RAP1GDS1: variants seen among roughly 807,000 people sequenced by gnomAD.
The protein encoded by RAP1GDS1 is RAP1, GTP-GDP dissociation stimulator 1.
Under a neutral mutation model 71.1 loss-of-function variants are expected in RAP1GDS1, and 35 were observed. The ratio of observed to expected loss-of-function variants is 0.49; its 90% confidence interval spans 0.38 to 0.65. RAP1GDS1 has a LOEUF of 0.65. Ranked by LOEUF, RAP1GDS1 falls within the 30% of genes least tolerant of loss-of-function variation. RAP1GDS1 has a pLI of 0.00. For synonymous variants in RAP1GDS1, 229 were observed against 243.1 expected, an observed-to-expected ratio of 0.94 and a Z score of 0.54; for missense variants, 663 against 706.1, an observed-to-expected ratio of 0.94 and a Z score of 0.69.
intron 3 of RAP1GDS1, among the ~76,000 whole-genome samples, chr4:98,349,263 G>A (rs183560877): frequency 0.046 from 6,979 of 152,268 alleles, 397 homozygotes; most frequent in African/African-American, 0.13. Context: ...GTTTGTCAAA[G>A]ATCAGATGGT....
chr4:98,404,278 A>G (rs573775405), intron 6 of RAP1GDS1, among the ~76,000 whole-genome samples, 199 bp from the exon 7 acceptor site: 1 of 152,268 alleles, frequency 6.6e-6, no homozygotes, highest in Non-Finnish European at 1.5e-5. Flanking sequence ...TATAGCTCAA[A>G]TATAATTGGG....
intron 2 of RAP1GDS1, among the ~76,000 whole-genome samples, chr4:98,322,779 A>C (rs1450054467): frequency 2.2e-5 from 3 of 133,962 alleles, no homozygotes; most frequent in Admixed American, 7.5e-5. Flanking sequence ...CAGTGTGTAG[A>C]GGGAAATTTA....
chr4:98,361,533 A>G (rs1738753216), intron 4 of RAP1GDS1, among the ~76,000 whole-genome samples: 1 of 152,174 alleles, frequency 6.6e-6, no homozygotes, highest in South Asian at 2.1e-4. Flanking sequence ...ATTGCCATTT[A>G]TGGAGCCTTT....
chr4:98,375,653 T>C (rs1030575428), intron 4 of RAP1GDS1, among the ~76,000 whole-genome samples: 4 of 152,206 alleles, frequency 2.6e-5, no homozygotes, highest in Admixed American at 2.6e-4. Context: ...AAAAATCACA[T>C]TTTAATATGA....
chr4:98,383,352 A>T (rs1030522581), intron 5 of RAP1GDS1, among the ~76,000 whole-genome samples: 4 of 151,560 alleles, frequency 2.6e-5, no homozygotes, highest in Non-Finnish European at 5.9e-5. Context: ...GTATCTTCTA[A>T]AATTATTAAC....
At chr4:98,278,134 G>A (rs1724507919) in intron 1 of RAP1GDS1, among the ~76,000 whole-genome samples, 1 of 152,168 alleles carries the variant, frequency 6.6e-6, no homozygotes, top group Non-Finnish European at 1.5e-5. Context: ...GGGAGGTGGA[G>A]ATTGTAGTGA....
At chr4:98,432,476 T>C (rs1035657241) in intron 12 of RAP1GDS1, among the ~76,000 whole-genome samples, 64 of 152,206 alleles carry the variant, frequency 4.2e-4, no homozygotes, top group African/African-American at 1.5e-3. Flanking sequence ...AGAAAAAGCT[T>C]TCTAAAACAG....
chr4:98,384,028 T>C (rs545220811), intron 5 of RAP1GDS1, among the ~76,000 whole-genome samples: 1 of 151,666 alleles, frequency 6.6e-6, no homozygotes, highest in South Asian at 2.1e-4. Context: ...TACCTTACTC[T>C]AAGGAAAAAG....
intron 7 of RAP1GDS1, chr4:98,409,832 T>G: frequency 4.6e-6 from 1 of 219,138 alleles, no homozygotes; most frequent in Non-Finnish European, 9.2e-6. Context: ...CCAGATAGAT[T>G]GACCTAAATG....
intron 7 of RAP1GDS1, among the ~76,000 whole-genome samples, chr4:98,415,789 CT>C (rs1196184505): frequency 6.6e-6 from 1 of 152,056 alleles, no homozygotes; most frequent in Non-Finnish European, 1.5e-5. Flanking sequence ...TTTCTTTTAA[CT>C]TTTATTATGA....
At chr4:98,414,031 G>T (rs1050036438) in intron 7 of RAP1GDS1, among the ~76,000 whole-genome samples, 23 of 151,440 alleles carry the variant, frequency 1.5e-4, no homozygotes, top group African/African-American at 5.6e-4. Flanking sequence ...TGAGAAGTGT[G>T]TGTTCATGTC....
intron 4 of RAP1GDS1, among the ~76,000 whole-genome samples, chr4:98,358,950 A>G (rs1045865927): frequency 3.3e-5 from 5 of 151,982 alleles, no homozygotes; most frequent in African/African-American, 1.2e-4. Context: ...AAAGTTTTAA[A>G]ACCTCACCTA....
At chr4:98,324,129 G>A (rs1451251084) in intron 2 of RAP1GDS1, among the ~76,000 whole-genome samples, 6 of 148,352 alleles carry the variant, frequency 4.0e-5, no homozygotes, top group Non-Finnish European at 7.4e-5. Flanking sequence ...ACCAACAACA[G>A]ACAAACAGAG....
intron 12 of RAP1GDS1, among the ~76,000 whole-genome samples, chr4:98,433,474 T>C (rs1190902938): frequency 6.6e-6 from 1 of 152,062 alleles, no homozygotes. Flanking sequence ...TTTTTATTTT[T>C]TGTAGAGATG....
In RAP1GDS1 at chr4:98,416,732, CGTT is replaced by C. The variant is rs745318115; in HGVS notation, c.764-9_764-7del. ...TCTCAAAGTTTGATTATTTTGTTCA[CGTT>C]GTTCTTTAGATGCTATTAAACTACA... On this transcript the variant is annotated splice_polypyrimidine_tract_variant and intron_variant, in intron 7 of 14. Coordinates refer to ENST00000408927, the MANE Select transcript of RAP1GDS1 (RefSeq NM_001100427.2). The C allele has an allele frequency of 1.9e-6, 3 of 1,581,930 alleles. No individual in the cohort carries two copies. Among genetic ancestry groups the C allele is most frequent in the South Asian group, 1.1e-5 (1 of 89,908 alleles).
intron 6 of RAP1GDS1, among the ~76,000 whole-genome samples, chr4:98,399,008 G>T (rs1323166368): frequency 3.3e-5 from 5 of 152,098 alleles, no homozygotes; most frequent in Admixed American, 2.0e-4. Context: ...AAAGCAATCT[G>T]CAGATTCAAT....
At chr4:98,354,358 A>G (rs6834303) in intron 4 of RAP1GDS1, among the ~76,000 whole-genome samples, 21,503 of 152,166 alleles carry the variant, frequency 0.14, 2,208 homozygotes, top group African/African-American at 0.28. Context: ...CACCGCGCCC[A>G]GCCCAAAAGT....
At chr4:98,367,714 G>A (rs181453963) in intron 4 of RAP1GDS1, among the ~76,000 whole-genome samples, 22 of 152,324 alleles carry the variant, frequency 1.4e-4, no homozygotes, top group African/African-American at 5.1e-4. Context: ...TTTAAGATTT[G>A]ACTGCCCTGC....
At chr4:98,418,564 T>C in intron 9 of RAP1GDS1, 93 bp from the exon 10 acceptor site, 6 of 1,128,970 alleles carry the variant, frequency 5.3e-6, no homozygotes, top group Non-Finnish European at 7.1e-6. Flanking sequence ...TAGCTCCATT[T>C]TCCCTAATGT....
Sources: gnomAD v4.1 joint callset for allele counts (sites outside exome capture counted in the v4.1 genomes callset) on GRCh38, gnomAD v4.1.1 for gene constraint, MANE v1.5 for transcripts, NCBI Gene and HGNC (gene_info 2026-07-23, HGNC 2026-07-21) for gene names.